Variants in HAO2 observed in about 807,000 individuals in gnomAD.
HAO2 encodes the protein hydroxyacid oxidase 2, also known as 2-Hydroxyacid oxidase 2.
Under a neutral mutation model 37.4 loss-of-function variants are expected in HAO2, and 42 were observed. The ratio of observed to expected loss-of-function variants is 1.12; its 90% CI spans 0.88 to 1.45. The LOEUF (loss-of-function observed/expected upper bound fraction) is 1.45, where lower values mean the gene tolerates loss of function less well. Among genes scored for constraint, HAO2 ranks in the 40% most tolerant of loss-of-function variants. The probability of loss-of-function intolerance (pLI) is 0.00; values close to 1 mark genes in which losing one functional copy is unlikely to be tolerated. For missense variants in HAO2, 476 were observed against 430.2 expected (o/e 1.11, Z -0.94); for synonymous variants, 180 against 162.8 (o/e 1.11, Z -0.81).
chr1:119,393,675 T>C (rs587715718), intron 7 of HAO2, 110 bp from the exon 8 acceptor site: 1 of 851,260 alleles, frequency 1.2e-6, no homozygotes, highest in African/African-American at 1.7e-5. Flanking sequence ...TTTATAAGAG[T>C]GAGCACAAAG....
At chr1:119,393,199 C>G (rs587648211) in intron 7 of HAO2, among the ~76,000 whole-genome samples, 1 of 152,270 alleles carries the variant, frequency 6.6e-6, no homozygotes, top group South Asian at 2.1e-4. Context: ...ATTGCCTACT[C>G]AAGCCCACAA....
At chr1:119,380,624 C>A in intron 1 of HAO2, 5 of 1,095,818 alleles carry the variant, frequency 4.6e-6, no homozygotes, top group Non-Finnish European at 7.0e-6. Context: ...AATGCCATGA[C>A]GTGGGCACAT....
In HAO2 at chr1:119,386,973, T is replaced by TTAAGGACTGTTAATTA. The variant is rs1415163232; in HGVS notation, c.771+144_771+159dup. 1.4e-5 allele frequency: 9 copies of TTAAGGACTGTTAATTA among 628,130 alleles called. No homozygotes were observed. In the African/African-American group the frequency reaches 1.7e-4, roughly 12 times the overall value. The allele number at this position is 628,130 out of a possible 1,614,324, so 38.9% of individuals were successfully genotyped here. On this transcript the variant is annotated intron_variant, in intron 5 of 7. Coordinates refer to ENST00000325945, the MANE Select transcript of HAO2 (RefSeq NM_016527.4). ...ATGTGTTGGTATGTATCTGTGAATT[T>TTAAGGACTGTTAATTA]TAAGGACTGTTAATTATTATTAGTA...
At chr1:119,375,381 T>A (rs1348317013) in intron 1 of HAO2, among the ~76,000 whole-genome samples, 2 of 152,076 alleles carry the variant, frequency 1.3e-5, no homozygotes, top group Non-Finnish European at 1.5e-5. Context: ...ATAAACCTTA[T>A]ATTAAACCTC....
chr1:119,383,730 C>T (rs114196466), intron 3 of HAO2, among the ~76,000 whole-genome samples: 429 of 151,892 alleles, frequency 2.8e-3, no homozygotes, highest in African/African-American at 9.7e-3. Context: ...GGGACTCTTT[C>T]GTAATCTTCA....
intron 1 of HAO2, chr1:119,370,176 C>T (rs942542479): frequency 1.3e-5 from 2 of 152,142 alleles, no homozygotes; most frequent in East Asian, 3.9e-4. Context: ...CTAGAATTCA[C>T]ACCTGCTATT....
intron 6 of HAO2, 162 bp downstream of exon 6, chr1:119,392,430 AT>A: frequency 1.4e-6 from 1 of 715,948 alleles, no homozygotes; most frequent in Admixed American, 2.6e-5. Flanking sequence ...CCCATTGCAA[AT>A]GTTCAATAGC....
At chr1:119,370,820 A>G (rs1648931597) in intron 1 of HAO2, among the ~76,000 whole-genome samples, 1 of 152,164 alleles carries the variant, frequency 6.6e-6, no homozygotes, top group Non-Finnish European at 1.5e-5. Flanking sequence ...ACTGCACTCC[A>G]TAGCTGGGCT....
chr1:119,393,687 T>C lies in HAO2; in HGVS notation c.1001-98T>C, dbSNP rs72563187. 2.1e-3 allele frequency: 1,955 copies of C among 925,284 alleles called. 26 individuals are homozygous for C. The African/African-American group carries it at 0.028, about 13-fold the overall frequency. The allele number at this position is 925,284 out of a possible 1,614,324, so 57.3% of individuals were successfully genotyped here. A position where few individuals can be genotyped will look rare whatever the true frequency, so the allele number is the denominator to read the frequency against. ...CATTTTATAAGAGTGAGCACAAAGA[T>C]CAAGTCAGACTTGCTCCCCTTCATC... On this transcript the variant is annotated intron_variant, in intron 7 of 7. Transcript: ENST00000325945.
chr1:119,389,788 TTTAA>T (rs1326602528), intron 5 of HAO2, among the ~76,000 whole-genome samples: 1 of 152,148 alleles, frequency 6.6e-6, no homozygotes, highest in East Asian at 1.9e-4. Context: ...AGCTCCTTAG[TTTAA>T]TTAAGTGCCA....
intron 5 of HAO2, among the ~76,000 whole-genome samples, chr1:119,387,768 T>G (rs900174128): frequency 1.3e-5 from 2 of 152,214 alleles, no homozygotes; most frequent in African/African-American, 4.8e-5. Context: ...CAACCTCCAT[T>G]GTAGAACATC....
intron 5 of HAO2, among the ~76,000 whole-genome samples, chr1:119,387,188 T>C (rs1234925889): frequency 6.6e-6 from 1 of 152,204 alleles, no homozygotes; most frequent in East Asian, 1.9e-4. Flanking sequence ...ATTAGACAGA[T>C]GTTCTAAAGT....
chr1:119,372,101 G>A (rs894949504), intron 1 of HAO2, among the ~76,000 whole-genome samples: 1 of 152,186 alleles, frequency 6.6e-6, no homozygotes, highest in Non-Finnish European at 1.5e-5. Flanking sequence ...ATTCCCAGGT[G>A]ACTGAAAATA....
chr1:119,386,431 A>G (rs967933249), intron 4 of HAO2, among the ~76,000 whole-genome samples, 191 bp from the exon 5 acceptor site: 1 of 152,038 alleles, frequency 6.6e-6, no homozygotes, highest in Non-Finnish European at 1.5e-5. Flanking sequence ...GTCTCAAACT[A>G]CTAGGCTCAA....
intron 7 of HAO2, among the ~76,000 whole-genome samples, chr1:119,393,140 G>A (rs950743046): frequency 3.9e-5 from 6 of 152,030 alleles, no homozygotes; most frequent in Non-Finnish European, 8.8e-5. Flanking sequence ...TAAACGTTAC[G>A]CAGCCTGTTA....
intron 7 of HAO2, 61 bp from the exon 8 acceptor site, chr1:119,393,724 A>G (rs1331606193): frequency 2.9e-6 from 4 of 1,371,692 alleles, no homozygotes; most frequent in Non-Finnish European, 4.2e-6. Flanking sequence ...CCCCTTACCC[A>G]TGATGAGGTG....
At chr1:119,381,609 G>A (rs1649950900) in intron 2 of HAO2, among the ~76,000 whole-genome samples, 1 of 152,154 alleles carries the variant, frequency 6.6e-6, no homozygotes, top group Admixed American at 6.5e-5. Context: ...ACTCAGGTTT[G>A]GAGAAAATAT....
intron 1 of HAO2, among the ~76,000 whole-genome samples, chr1:119,372,105 G>A (rs1204084192): frequency 6.6e-6 from 1 of 152,194 alleles, no homozygotes; most frequent in Non-Finnish European, 1.5e-5. Flanking sequence ...CCAGGTGACT[G>A]AAAATACCCA....
chr1:119,380,432 C>G, intron 1 of HAO2: 1 of 437,702 alleles, frequency 2.3e-6, no homozygotes, highest in East Asian at 3.6e-5. Context: ...TATTAAGCAA[C>G]ATGTTCAGCG....
Sources: allele counts gnomAD v4.1 joint callset (sites outside exome capture counted in the v4.1 genomes callset), GRCh38; gene constraint gnomAD v4.1.1; transcripts MANE v1.5; gene names NCBI Gene and HGNC (gene_info 2026-07-23, HGNC 2026-07-21).